DFFB: variants seen among roughly 807,000 people sequenced by gnomAD.
DFFB encodes DNA fragmentation factor subunit beta, also known as DNA fragmentation factor 40 kDa subunit.
In DFFB, 29 loss-of-function variants were observed where a neutral mutation model predicts 32.7. That is an observed-to-expected ratio of 0.89 (90% CI 0.66 to 1.21). The LOEUF (loss-of-function observed/expected upper bound fraction) is 1.21. Ranked by LOEUF, DFFB falls within the 50% of genes most tolerant of loss-of-function variation. The pLI is 0.00. For synonymous variants in DFFB, 170 were observed against 177.1 expected (o/e 0.96, Z 0.32); for missense variants, 398 against 440.6 (o/e 0.90, Z 0.87).
In DFFB at chr1:3,885,267, C is replaced by T. The variant is rs1436108325; in HGVS notation, c.*1526C>T. The T allele has an allele frequency of 6.6e-6, 1 of 152,088 alleles. No homozygotes were observed. The highest frequency in any genetic ancestry group is 2.1e-4 in the South Asian group (1 of 4,810). 9.4% of individuals were successfully genotyped at this position (152,088 alleles called of 1,614,324 possible). A position where few individuals can be genotyped will look rare whatever the true frequency, so the allele number is the denominator to read the frequency against. The stretch of plus-strand genomic sequence containing the variant: ...GGGTTGGGCTAGATTACAGAGGGCT[C>T]ATTTTCTACGTCATGTATTTTATGA... On this transcript the variant is annotated 3_prime_UTR_variant, in exon 7 of 7. Coordinates refer to ENST00000378209, the MANE Select transcript of DFFB (RefSeq NM_004402.4).
At chr1:3,863,564 T>A (rs770332075) in intron 2 of DFFB, among the ~76,000 whole-genome samples, 5 of 152,132 alleles carry the variant, frequency 3.3e-5, no homozygotes, top group Non-Finnish European at 7.4e-5. Context: ...TCCGTGAGCG[T>A]TTACAGTAGC....
At chr1:3,860,410 G>T in intron 2 of DFFB, 1 of 432,234 alleles carries the variant, frequency 2.3e-6, no homozygotes, top group Non-Finnish European at 4.7e-6. Context: ...TGTATTTTTT[G>T]TAGAGATAGG....
At position 3,867,910 on chromosome 1, in the gene DFFB, G is replaced by T. The variant is rs1010089955; in HGVS notation, c.431-64G>T. 4 of 1,493,972 alleles carry T rather than the reference G, an allele frequency of 2.7e-6. No homozygotes were observed. The African/African-American group carries it at 4.1e-5, about 15-fold the overall frequency. 92.5% of individuals were successfully genotyped at this position (1,493,972 alleles called of 1,614,324 possible). ...CCTGCTTGGCACCTGGGCTGGGCAGGACACAGACCCAGAGGCCCCTGGCCT... is the reference window on the plus strand; with the variant it reads ...CCTGCTTGGCACCTGGGCTGGGCAGTACACAGACCCAGAGGCCCCTGGCCT... On this transcript the variant is annotated intron_variant, in intron 3 of 6. Coordinates refer to ENST00000378209, the MANE Select transcript of DFFB (RefSeq NM_004402.4).
intron 2 of DFFB, among the ~76,000 whole-genome samples, chr1:3,859,414 C>T (rs540061581): frequency 9.2e-5 from 14 of 152,142 alleles, no homozygotes; most frequent in Admixed American, 7.9e-4. Flanking sequence ...CCAAGGTCTG[C>T]GCTTGTTTGA....
At chr1:3,869,494 G>A in intron 4 of DFFB, 111 bp from the exon 5 acceptor site, 1 of 1,158,168 alleles carries the variant, frequency 8.6e-7, no homozygotes, top group Admixed American at 2.3e-5. Context: ...CTGACCACAG[G>A]ACTGGGCTTG....
rs1006348621 is a variant in DFFB at position 3,868,158 on chromosome 1, C to T, written c.510+105C>T. The T allele has an allele frequency of 6.4e-5, 66 of 1,026,572 alleles. No individual in the cohort carries two copies. The South Asian group carries it at 7.2e-4, about 11-fold the overall frequency. 63.6% of individuals were successfully genotyped at this position (1,026,572 alleles called of 1,614,324 possible). A position where few individuals can be genotyped will look rare whatever the true frequency, so the allele number is the denominator to read the frequency against. On this transcript the variant is annotated intron_variant, in intron 4 of 6. Transcript: ENST00000378209. ...ACGATGGGTAGTTGGTAGGACCACA[C>T]TCCGTGCTTGCGTGGATCTGGTGGG...
At chr1:3,872,215 C>T (rs1203679161) in intron 5 of DFFB, among the ~76,000 whole-genome samples, 1 of 152,176 alleles carries the variant, frequency 6.6e-6, no homozygotes, top group South Asian at 2.1e-4. Context: ...GAGATCGAGA[C>T]CATCCTGGCC....
chr1:3,879,519 A>G (rs1045859620), intron 6 of DFFB, among the ~76,000 whole-genome samples: 2 of 152,186 alleles, frequency 1.3e-5, no homozygotes, highest in African/African-American at 2.4e-5. Flanking sequence ...TGTCCTTAGA[A>G]AATGGGAAAG....
At chr1:3,866,307 T>G in intron 3 of DFFB, 1 of 451,988 alleles carries the variant, frequency 2.2e-6, no homozygotes, top group Non-Finnish European at 4.3e-6. Flanking sequence ...GGCGTGATCT[T>G]GGCTCACCGC....
In DFFB at chr1:3,867,918, C is replaced by A. The variant is rs531823030; in HGVS notation, c.431-56C>A. On this transcript the variant is annotated intron_variant, in intron 3 of 6. Coordinates refer to ENST00000378209, the MANE Select transcript of DFFB (RefSeq NM_004402.4). ...GCACCTGGGCTGGGCAGGACACAGA[C>A]CCAGAGGCCCCTGGCCTGCCCTGTG... 6.4e-6 allele frequency: 10 copies of A among 1,553,670 alleles called. No individual in the cohort carries two copies. The Admixed American group carries it at 1.2e-4, about 18-fold the overall frequency.
At chr1:3,872,190 G>C (rs939199221) in intron 5 of DFFB, among the ~76,000 whole-genome samples, 1 of 152,150 alleles carries the variant, frequency 6.6e-6, no homozygotes, top group African/African-American at 2.4e-5. Flanking sequence ...CAAGGCGGGC[G>C]GATCACGAGG....
At chr1:3,867,953 G>A (rs370082825) in intron 3 of DFFB, 21 bp from the exon 4 acceptor site, 41 of 1,613,448 alleles carry the variant, frequency 2.5e-5, no homozygotes, top group African/African-American at 5.3e-5. Context: ...GGACTTGGGG[G>A]TCTTCTCGTT....
In DFFB at chr1:3,872,345, G is replaced by C. The variant is rs568546274; in HGVS notation, c.682-127G>C. 9 of 652,372 alleles carry C rather than the reference G, an allele frequency of 1.4e-5. 1 individual carries two copies. In the East Asian group the frequency reaches 1.9e-4, roughly 14 times the overall value. The allele number at this position is 652,372 out of a possible 1,614,324, so 40.4% of individuals were successfully genotyped here. ...GGAGAATCGCTTCAACACGGGAGGC[G>C]GAGGTTGTAGTAAGCCGAGATCGGG... On this transcript the variant is annotated intron_variant, in intron 5 of 6. Coordinates refer to ENST00000378209, the MANE Select transcript of DFFB (RefSeq NM_004402.4).
intron 2 of DFFB, among the ~76,000 whole-genome samples, chr1:3,862,543 C>G (rs1171616636): frequency 6.6e-6 from 1 of 152,090 alleles, no homozygotes; most frequent in African/African-American, 2.4e-5. Flanking sequence ...AACAGAGCAC[C>G]CAGAAATCTA....
chr1:3,862,426 G>C (rs1401517570), intron 2 of DFFB, among the ~76,000 whole-genome samples: 1 of 152,192 alleles, frequency 6.6e-6, no homozygotes, highest in Non-Finnish European at 1.5e-5. Flanking sequence ...CTGTGAAAAA[G>C]AAGATAGTAG....
chr1:3,867,188 G>T (rs1042473096), intron 3 of DFFB, among the ~76,000 whole-genome samples: 1 of 152,210 alleles, frequency 6.6e-6, no homozygotes, highest in African/African-American at 2.4e-5. Context: ...GAGCCACCAC[G>T]TTCAGCCAAT....
At chr1:3,870,660 C>T (rs763307438) in intron 5 of DFFB, among the ~76,000 whole-genome samples, 176 of 152,048 alleles carry the variant, frequency 1.2e-3, no homozygotes, top group Non-Finnish European at 2.2e-3. Flanking sequence ...CATAAATGAG[C>T]GAGACAGAGG....
intron 2 of DFFB, among the ~76,000 whole-genome samples, chr1:3,859,628 C>T (rs965741483): frequency 1.3e-5 from 2 of 152,190 alleles, no homozygotes. Flanking sequence ...AGAGTAACAT[C>T]CATGTGGCCA....
rs1638311850 is a variant in DFFB at position 3,884,635 on chromosome 1, AT to A, written c.*895del. ...GCTCAGGCTGGAGTGCAGTGATGCA[AT>A]CTTGGCTCACTGCAACCTCCGCCTC... On this transcript the variant is annotated 3_prime_UTR_variant, in exon 7 of 7. Transcript: ENST00000378209. 6.6e-6 allele frequency: 1 copy of A among 152,050 alleles called. No homozygotes were observed. Among genetic ancestry groups the A allele is most frequent in the Non-Finnish European group, 1.5e-5 (1 of 68,036 alleles). The allele number at this position is 152,050 out of a possible 1,614,324, so 9.4% of individuals were successfully genotyped here.
Sources: allele counts gnomAD v4.1 joint callset (sites outside exome capture counted in the v4.1 genomes callset), GRCh38; gene constraint gnomAD v4.1.1; transcripts MANE v1.5; gene names NCBI Gene and HGNC (gene_info 2026-07-23, HGNC 2026-07-21).